Variants in PIK3R6 observed in about 807,000 individuals in gnomAD.
PIK3R6 encodes the protein phosphoinositide 3-kinase regulatory subunit 6.
PIK3R6 carries 91 observed loss-of-function variants against 84.9 expected under a neutral mutation model. The observed-to-expected ratio is 1.07, with a 90% confidence interval of 0.90 to 1.28. PIK3R6 has a LOEUF of 1.28. Among genes scored for constraint, PIK3R6 ranks in the 50% most tolerant of loss-of-function variants. The pLI is 0.00. For missense variants in PIK3R6, 996 were observed against 985.1 expected (o/e 1.01, Z -0.15); for synonymous variants, 416 against 411.4 (o/e 1.01, Z -0.13).
rs368907810 is a variant in PIK3R6 at position 8,828,974 on chromosome 17, G to C, written c.906C>G (p.Leu302=). 48 of 1,500,098 alleles carry C rather than the reference G, an allele frequency of 3.2e-5. No homozygotes were observed. The African/African-American group carries it at 5.6e-4, about 18-fold the overall frequency. 92.9% of individuals were successfully genotyped at this position (1,500,098 alleles called of 1,614,324 possible). A position where few individuals can be genotyped will look rare whatever the true frequency, so the allele number is the denominator to read the frequency against. ...GCAGCTGGGATCTTGGGCGGAGGAAGAGCACCAGTTCCTTCCCTGGGGTGG... is the reference window on the plus strand; with the variant it reads ...GCAGCTGGGATCTTGGGCGGAGGAACAGCACCAGTTCCTTCCCTGGGGTGG... The part of the protein sequence containing the change: ...GEEQLWKELV[L]FLRPRSQLRL... The change falls in exon 11 of 20, where the codon CTC becomes CTG. Residue 302 remains leucine, a synonymous_variant. Coordinates refer to ENST00000619866, the MANE Select transcript of PIK3R6 (RefSeq NM_001010855.4).
intron 1 of PIK3R6, among the ~76,000 whole-genome samples, chr17:8,853,394 A>G (rs1424484061): frequency 1.3e-5 from 2 of 150,324 alleles, no homozygotes; most frequent in East Asian, 2.0e-4. Flanking sequence ...CTGAGGCAGG[A>G]GAATGGTGTG....
chr17:8,863,860 T>A (rs753223468), intron 1 of PIK3R6, among the ~76,000 whole-genome samples: 14 of 152,060 alleles, frequency 9.2e-5, no homozygotes, highest in Non-Finnish European at 2.1e-4. Flanking sequence ...ATGAGAGAGA[T>A]CTCCTGAGGA....
intron 16 of PIK3R6, 53 bp from the exon 17 acceptor site, chr17:8,821,989 C>T: frequency 7.3e-7 from 1 of 1,374,102 alleles, no homozygotes; most frequent in Non-Finnish European, 1.0e-6. Flanking sequence ...TACCCTTTCC[C>T]CATGCATCCC....
At chr17:8,847,175 A>G (rs1158718348) in intron 2 of PIK3R6, among the ~76,000 whole-genome samples, 2 of 152,150 alleles carry the variant, frequency 1.3e-5, no homozygotes, top group Non-Finnish European at 2.9e-5. Flanking sequence ...TCCCTGTTTG[A>G]TAGATTCCAG....
chr17:8,835,284 T>C lies in PIK3R6; in HGVS notation c.634A>G (p.Arg212Gly), dbSNP rs775989783. The C allele has an allele frequency of 1.7e-5, 27 of 1,563,620 alleles. No homozygotes were observed. Among genetic ancestry groups the C allele is most frequent in the Middle Eastern group, 2.1e-4 (1 of 4,676 alleles). ...GEACHAGALH[R>G]KLQASPRRTL... ...GGCAGGGCCATTACCTGCAGCTTCC[T>C]GTGCAGAGCGCCTGCGTGACAGGCC... is the stretch of plus-strand genomic sequence containing the variant. Residue 212 changes from arginine to glycine, a missense_variant, in exon 8 of 20, where the codon AGG (arginine) becomes GGG (glycine). Physicochemically the swap from Arg to Gly is moderately radical, Grantham distance 125. Coordinates refer to ENST00000619866, the MANE Select transcript of PIK3R6 (RefSeq NM_001010855.4).
chr17:8,836,492 A>G, intron 7 of PIK3R6, 55 bp downstream of exon 7: 2 of 1,589,558 alleles, frequency 1.3e-6, no homozygotes, highest in East Asian at 2.2e-5. Context: ...AGCAGTCACT[A>G]AAGCCACAAC....
At chr17:8,828,054 G>A in intron 12 of PIK3R6, 58 bp downstream of exon 12, 1 of 1,546,398 alleles carries the variant, frequency 6.5e-7, no homozygotes, top group South Asian at 1.1e-5. Flanking sequence ...CTGCAGGTGT[G>A]TCCCTGCCCA....
At chr17:8,851,185 A>AAAAAAAACAAAAAC (rs1336763335) in intron 1 of PIK3R6, among the ~76,000 whole-genome samples, 9 of 150,246 alleles carry the variant, frequency 6.0e-5, no homozygotes, top group African/African-American at 2.3e-4. Context: ...ATATACAGAA[A>AAAAAAAACAAAAAC]AAAAAAACAA....
intron 1 of PIK3R6, among the ~76,000 whole-genome samples, chr17:8,855,639 A>G (rs1039207356): frequency 2.0e-5 from 3 of 152,206 alleles, no homozygotes; most frequent in African/African-American, 7.2e-5. Flanking sequence ...ACATGTGCAG[A>G]ACGTGCAGGT....
rs759096538 is a variant in PIK3R6 at position 8,835,314 on chromosome 17, C to G, written c.604G>C (p.Gly202Arg). 3 of 1,599,418 alleles carry G rather than the reference C, an allele frequency of 1.9e-6. No homozygotes were observed. Among genetic ancestry groups the G allele is most frequent in the Non-Finnish European group, 2.6e-6 (3 of 1,170,812 alleles). Residue 202 changes from glycine to arginine, a missense_variant, in exon 8 of 20, where the codon GGG (glycine) becomes CGG (arginine). Transcript: ENST00000619866. ...AGAGCGCCTGCGTGACAGGCCTCCC[C>G]CAGAGCCGCCTGCAGGGCGTGGGAG... ...VVSHALQAAL[G>R]EACHAGALHR...
intron 18 of PIK3R6, among the ~76,000 whole-genome samples, chr17:8,807,883 A>C (rs2087248285): frequency 1.3e-5 from 2 of 152,114 alleles, no homozygotes. Context: ...GACCAGCTGG[A>C]AGGAGATAGA....
At position 8,862,182 on chromosome 17, in the gene PIK3R6, C is replaced by T. The variant is rs2089301620; in HGVS notation, c.-92+5347G>A. Among the ~76,000 whole-genome samples, 2 of 152,140 alleles carry T rather than the reference C, an allele frequency of 1.3e-5. No individual in the cohort carries two copies. Among genetic ancestry groups the T allele is most frequent in the African/African-American group, 2.4e-5 (1 of 41,418 alleles). On this transcript the variant is annotated intron_variant, in intron 1 of 19. Coordinates refer to ENST00000619866, the MANE Select transcript of PIK3R6 (RefSeq NM_001010855.4). The surrounding 1 kb of genome is among the most constrained non-coding windows in gnomAD (Gnocchi z 4.3). The stretch of plus-strand genomic sequence containing the variant: ...TGCAGGTAAGGGGACTACGCTATTG[C>T]ATTTGTTTATTATCTGGCTGCTGTC...
Position 8,828,771 on chromosome 17 carries a change from C to T in PIK3R6, c.1109G>A (p.Gly370Glu). ...GGGCCATGCACGCTTCTTGATGCCC[C>T]CTTTGCGCTGCAGCCCGGCTCGCTC... ...EMERAGLQRK[G>E]GIKKRAWPLD... is the part of the protein sequence containing the mutation. The change falls in exon 11 of 20, where the codon GGG becomes GAG. Residue 370 changes from glycine to glutamate, a missense_variant. Gly to Glu is a moderately conservative substitution (Grantham distance 98, BLOSUM62 -2). Coordinates refer to ENST00000619866, the MANE Select transcript of PIK3R6 (RefSeq NM_001010855.4). 1 of 1,592,116 alleles carries T rather than the reference C, an allele frequency of 6.3e-7. No individual in the cohort carries two copies. Among genetic ancestry groups the T allele is most frequent in the South Asian group, 1.1e-5 (1 of 89,056 alleles).
chr17:8,836,932 G>C lies in PIK3R6; in HGVS notation c.259-9C>G. The C allele has an allele frequency of 6.5e-7, 1 of 1,546,842 alleles. No individual in the cohort carries two copies. The highest frequency in any genetic ancestry group is 8.7e-7 in the Non-Finnish European group (1 of 1,143,302). ...TCTGTGATTCCTGTGGCCTGGGTGA[G>C]AGGGAGGAGGGGGAGGTGAGAGGGA... On this transcript the variant is annotated splice_polypyrimidine_tract_variant and intron_variant, in intron 5 of 19. Coordinates refer to ENST00000619866, the MANE Select transcript of PIK3R6 (RefSeq NM_001010855.4).
chr17:8,807,158 G>A (rs969007159), intron 18 of PIK3R6, among the ~76,000 whole-genome samples: 2 of 152,182 alleles, frequency 1.3e-5, no homozygotes, highest in South Asian at 4.1e-4. Flanking sequence ...TGCCCTATAC[G>A]AAGACAGATT....
At chr17:8,834,783 G>A (rs2088395057) in intron 8 of PIK3R6, among the ~76,000 whole-genome samples, 1 of 151,966 alleles carries the variant, frequency 6.6e-6, no homozygotes, top group Non-Finnish European at 1.5e-5. Flanking sequence ...TGCTTTCGGG[G>A]CTGAGACACT....
At chr17:8,866,017 G>C (rs554341934) in intron 1 of PIK3R6, among the ~76,000 whole-genome samples, 49 of 152,270 alleles carry the variant, frequency 3.2e-4, no homozygotes, top group Non-Finnish European at 6.9e-4. Context: ...AGGCGCTTTC[G>C]TGGAGACAGT....
rs562238482 is a variant in PIK3R6 at position 8,827,251 on chromosome 17, G to A, written c.1436C>T (p.Thr479Met). 3.4e-4 allele frequency: 539 copies of A among 1,581,464 alleles called. 7 individuals carry two copies. The South Asian group carries it at 5.8e-3, about 17-fold the overall frequency. Residue 479 changes from threonine (T) to methionine (M), a missense_variant, in exon 13 of 20, where the codon ACG (threonine) becomes ATG (methionine). Transcript: ENST00000619866. Reference sequence around the variant, plus strand: ...CCACGGGTCTACGCGGCCCAGGAACGTAGCCAGCTCTCCCAGCTCCGGCTG... The same window carrying A: ...CCACGGGTCTACGCGGCCCAGGAACATAGCCAGCTCTCCCAGCTCCGGCTG... Reference protein sequence around the residue: ...SRQPELGELATFLGRVDPWYQ... With the variant: ...SRQPELGELAMFLGRVDPWYQ...
intron 1 of PIK3R6, among the ~76,000 whole-genome samples, chr17:8,856,816 T>C (rs443141): frequency 0.82 from 123,820 of 151,396 alleles, 51,442 homozygotes; most frequent in African/African-American, 0.96. Context: ...ATCTTAAGTA[T>C]ATTTGACCTT....
Sources: allele counts gnomAD v4.1 joint callset (sites outside exome capture counted in the v4.1 genomes callset), GRCh38; gene constraint gnomAD v4.1.1; non-coding constraint Gnocchi (gnomAD v3.1); transcripts MANE v1.5; gene names NCBI Gene and HGNC (gene_info 2026-07-23, HGNC 2026-07-21).